Variants in VAV3 observed in about 807,000 individuals in gnomAD.
The protein encoded by VAV3 is guanine nucleotide exchange factor VAV3.
A neutral mutation model predicts 131.2 loss-of-function variants in VAV3; 94 were observed. That is an observed-to-expected ratio of 0.72 (90% CI 0.61 to 0.85). The LOEUF is 0.85. Ranked by LOEUF, VAV3 falls within the 40% of genes least tolerant of loss-of-function variation. VAV3 has a pLI of 0.00. For missense variants in VAV3, 939 were observed against 1,002.7 expected (o/e 0.94, Z 0.86); for synonymous variants, 349 against 342.0 (o/e 1.02, Z -0.22).
intron 1 of VAV3, among the ~76,000 whole-genome samples, chr1:107,886,141 G>A (rs879435734): frequency 5.9e-5 from 9 of 152,192 alleles, no homozygotes; most frequent in Admixed American, 2.0e-4. Flanking sequence ...TTCTCCATAA[G>A]GACAAGATAA....
At chr1:107,835,724 C>T (rs547545979) in intron 2 of VAV3, among the ~76,000 whole-genome samples, 21 of 152,272 alleles carry the variant, frequency 1.4e-4, no homozygotes, top group Non-Finnish European at 2.1e-4. Context: ...GGCAAAAAAC[C>T]CCGGCCCATA....
Position 107,765,701 on chromosome 1 carries a change from T to C in VAV3, c.822-526A>G, listed in dbSNP as rs57531367. On this transcript the variant is annotated intron_variant, in intron 8 of 26. Coordinates refer to ENST00000370056, the MANE Select transcript of VAV3 (RefSeq NM_006113.5). ...ACTGTTCTGGACAGAAGATAACTCA[T>C]ATCACATGGAATCTGACCCACTTCA... Among the ~76,000 whole-genome samples the C allele has an allele frequency of 3.3e-5, 5 of 152,318 alleles. No individual in the cohort carries two copies. The East Asian group carries it at 7.7e-4, about 24-fold the overall frequency.
Position 107,777,399 on chromosome 1 carries a change from C to A in VAV3, c.381-103G>T, listed in dbSNP as rs1043966682. 17 of 1,037,044 alleles carry A rather than the reference C, an allele frequency of 1.6e-5. No individual in the cohort carries two copies. The African/African-American group carries it at 2.4e-4, about 14-fold the overall frequency. 64.2% of individuals were successfully genotyped at this position (1,037,044 alleles called of 1,614,324 possible). A position where few individuals can be genotyped will look rare whatever the true frequency, so the allele number is the denominator to read the frequency against. Reference sequence around the variant, plus strand: ...CCTCACTAAATATGTAAGTTGTCTGCTGCCAAAATGGTCAGATCAGTCACC... The same window carrying A: ...CCTCACTAAATATGTAAGTTGTCTGATGCCAAAATGGTCAGATCAGTCACC... On this transcript the variant is annotated intron_variant, in intron 3 of 26. Coordinates refer to ENST00000370056, the MANE Select transcript of VAV3 (RefSeq NM_006113.5).
In VAV3 at chr1:107,766,499, C is replaced by A; in HGVS notation, c.769G>T (p.Val257Leu). The A allele has an allele frequency of 6.2e-7, 1 of 1,613,388 alleles. No homozygotes were observed. The highest frequency in any genetic ancestry group is 1.1e-5 in the South Asian group (1 of 90,966). ...TACAAGTTCTGGTCATTTTTATTTA[C>A]AATGGAATCATGAATCTCTTGCATT... ...NLMQEIHDSI[V>L]NKNDQNLYQV... Residue 257 changes from valine to leucine, a missense_variant, in exon 8 of 27, where the codon GTA becomes TTA. Physicochemically the swap from Val to Leu is conservative, Grantham distance 32. Coordinates refer to ENST00000370056, the MANE Select transcript of VAV3 (RefSeq NM_006113.5).
chr1:107,824,592 A>G (rs1015543662), intron 2 of VAV3, among the ~76,000 whole-genome samples: 1 of 152,160 alleles, frequency 6.6e-6, no homozygotes, highest in Non-Finnish European at 1.5e-5. Context: ...AAAATACTGG[A>G]ACATATACAC....
chr1:107,591,435 A>AAATG (rs964845388), intron 25 of VAV3, among the ~76,000 whole-genome samples: 7 of 150,466 alleles, frequency 4.7e-5, no homozygotes, highest in East Asian at 1.9e-4. Context: ...ATGAATGAAT[A>AAATG]AATGAATGAA....
intron 2 of VAV3, among the ~76,000 whole-genome samples, chr1:107,813,015 T>G (rs1019331556): frequency 6.6e-6 from 1 of 150,418 alleles, no homozygotes; most frequent in African/African-American, 2.5e-5. Context: ...CCCAGCTACT[T>G]GGGAGGCTGA....
At chr1:107,592,526 C>T (rs749642351) in intron 25 of VAV3, among the ~76,000 whole-genome samples, 1 of 152,062 alleles carries the variant, frequency 6.6e-6, no homozygotes, top group Admixed American at 6.6e-5. Flanking sequence ...CCAACTAATT[C>T]TCTACAAATA....
At chr1:107,906,457 G>T (rs886663499) in intron 1 of VAV3, among the ~76,000 whole-genome samples, 1 of 152,090 alleles carries the variant, frequency 6.6e-6, no homozygotes, top group East Asian at 1.9e-4. Context: ...GAGGTCAGGA[G>T]ATCGAGACCA....
At chr1:107,809,450 C>T (rs1433443880) in intron 2 of VAV3, among the ~76,000 whole-genome samples, 1 of 152,222 alleles carries the variant, frequency 6.6e-6, no homozygotes, top group East Asian at 1.9e-4. Flanking sequence ...CAGGCATCAT[C>T]TGGATTCTGG....
chr1:107,758,921 T>C (rs1336946805), intron 10 of VAV3, among the ~76,000 whole-genome samples: 3 of 152,226 alleles, frequency 2.0e-5, no homozygotes, highest in Non-Finnish European at 2.9e-5. Flanking sequence ...TACAAAGCTC[T>C]TCCCCTCTGA....
intron 19 of VAV3, among the ~76,000 whole-genome samples, chr1:107,657,543 C>T (rs1459991382): frequency 1.3e-5 from 2 of 152,022 alleles, no homozygotes; most frequent in Non-Finnish European, 2.9e-5. Flanking sequence ...GACGTTTTGT[C>T]CCGAGAGTTG....
chr1:107,758,619 T>C (rs1033343347), intron 10 of VAV3, among the ~76,000 whole-genome samples: 2 of 152,128 alleles, frequency 1.3e-5, no homozygotes, highest in African/African-American at 4.8e-5. Context: ...GCCTTCTGAC[T>C]TGCAGTCTCT....
rs185147289 is a variant in VAV3, at chr1:107,687,500, C to T, written c.1731+881G>A. Reference sequence around the variant, plus strand: ...TGTACTTTTGGTTCATATAACTAATCACACATAGTTTGTATTTTATTTTTC... The same window carrying T: ...TGTACTTTTGGTTCATATAACTAATTACACATAGTTTGTATTTTATTTTTC... On this transcript the variant is annotated intron_variant, in intron 18 of 26. Transcript: ENST00000370056. Among the ~76,000 whole-genome samples, 5 of 152,158 alleles carry T rather than the reference C, an allele frequency of 3.3e-5. No homozygotes were observed. In the East Asian group the frequency reaches 9.7e-4, roughly 29 times the overall value.
chr1:107,804,221 C>A (rs189927958), intron 2 of VAV3, among the ~76,000 whole-genome samples: 56 of 152,184 alleles, frequency 3.7e-4, no homozygotes, highest in African/African-American at 1.3e-3. Flanking sequence ...AATTGGAGAA[C>A]TGCATCTGTT....
chr1:107,863,166 C>G (rs1243523473), intron 2 of VAV3, among the ~76,000 whole-genome samples: 1 of 152,048 alleles, frequency 6.6e-6, no homozygotes, highest in Non-Finnish European at 1.5e-5. Flanking sequence ...TGCAATAAAC[C>G]CTACTTTTCC....
chr1:107,784,709 C>A (rs1665889545), intron 2 of VAV3, among the ~76,000 whole-genome samples: 1 of 152,172 alleles, frequency 6.6e-6, no homozygotes, highest in South Asian at 2.1e-4. Context: ...ATTTCCATCA[C>A]CTAGTTCACA....
chr1:107,951,640 C>T (rs955794357), intron 1 of VAV3, among the ~76,000 whole-genome samples: 3 of 151,832 alleles, frequency 2.0e-5, no homozygotes, highest in Admixed American at 6.6e-5. Flanking sequence ...AACACAAACA[C>T]CATTAAAAAG....
At chr1:107,760,752 G>A in intron 10 of VAV3, 32 bp downstream of exon 10, 1 of 1,513,580 alleles carries the variant, frequency 6.6e-7, no homozygotes, top group Non-Finnish European at 9.1e-7. Context: ...GTGAATAAAT[G>A]GACAATAAAT....
Sources: allele counts gnomAD v4.1 joint callset (sites outside exome capture counted in the v4.1 genomes callset), GRCh38; gene constraint gnomAD v4.1.1; transcripts MANE v1.5; gene names NCBI Gene and HGNC (gene_info 2026-07-23, HGNC 2026-07-21).